The following GRID2 variants were observed in gnomAD, a reference collection of about 807,000 sequenced individuals.
The protein encoded by GRID2 is glutamate receptor ionotropic, delta-2.
Under a neutral mutation model 114.8 loss-of-function variants are expected in GRID2, and 33 were observed. The observed-to-expected ratio is 0.29, with a 90% CI of 0.22 to 0.38. The LOEUF is 0.38. GRID2 is among the 10% of genes least tolerant of loss of function. The pLI, the probability that GRID2 is intolerant of heterozygous loss-of-function variation, is 1.00. For missense variants in GRID2, 1,184 were observed against 1,257.7 expected (o/e 0.94, Z 0.89); for synonymous variants, 505 against 449.9 (o/e 1.12, Z -1.55).
intron 8 of GRID2, among the ~76,000 whole-genome samples, chr4:93,271,290 C>G (rs1042037200): frequency 6.6e-6 from 1 of 152,040 alleles, no homozygotes; most frequent in Non-Finnish European, 1.5e-5. Context: ...TGAGAACATC[C>G]ATAAAAATGT....
At chr4:93,133,449 T>C (rs539530374) in intron 4 of GRID2, among the ~76,000 whole-genome samples, 141 of 152,342 alleles carry the variant, frequency 9.3e-4, no homozygotes, top group Admixed American at 2.3e-3. Flanking sequence ...AACTCATTAC[T>C]ATCTTACTTT....
chr4:92,500,978 T>C (rs987890721), intron 1 of GRID2, among the ~76,000 whole-genome samples: 1 of 152,120 alleles, frequency 6.6e-6, no homozygotes, highest in African/African-American at 2.4e-5. Context: ...ACAGCTCTGG[T>C]TCTCATTCTT....
intron 4 of GRID2, among the ~76,000 whole-genome samples, chr4:93,192,409 A>G (rs1579246914): frequency 6.6e-6 from 1 of 152,286 alleles, no homozygotes; most frequent in Middle Eastern, 3.4e-3. Context: ...AAGATACAAG[A>G]TTTTATTCCT....
chr4:92,871,463 A>G (rs1745274306), intron 2 of GRID2, among the ~76,000 whole-genome samples: 1 of 152,176 alleles, frequency 6.6e-6, no homozygotes, highest in Non-Finnish European at 1.5e-5. Context: ...TATTAAATAC[A>G]GTTGAGTTAA....
intron 1 of GRID2, among the ~76,000 whole-genome samples, chr4:92,349,955 T>C (rs559863326): frequency 6.6e-6 from 1 of 152,080 alleles, no homozygotes; most frequent in East Asian, 1.9e-4. Context: ...AATTTCTCTC[T>C]GAAAAAGTAG....
At chr4:93,216,984 G>T in intron 6 of GRID2, 73 bp downstream of exon 6, 1 of 982,324 alleles carries the variant, frequency 1.0e-6, no homozygotes. Flanking sequence ...TTTATGAGTT[G>T]CATTGGATTC....
chr4:93,381,068 T>C (rs1005802404), intron 8 of GRID2, among the ~76,000 whole-genome samples: 1 of 152,058 alleles, frequency 6.6e-6, no homozygotes, highest in Non-Finnish European at 1.5e-5. Flanking sequence ...TTTATTGTGG[T>C]AAAATACACA....
chr4:92,939,698 G>A (rs1465786852), intron 2 of GRID2, among the ~76,000 whole-genome samples: 1 of 147,194 alleles, frequency 6.8e-6, no homozygotes, highest in East Asian at 2.1e-4. Context: ...TATGGTTTTA[G>A]GTCTAACATT....
At chr4:93,231,976 G>C (rs193294963) in intron 7 of GRID2, among the ~76,000 whole-genome samples, 2 of 152,118 alleles carry the variant, frequency 1.3e-5, no homozygotes, top group Admixed American at 1.3e-4. Flanking sequence ...GCAGGCTTAG[G>C]ATATATAAAG....
chr4:93,314,921 T>C (rs1756424688), intron 8 of GRID2, among the ~76,000 whole-genome samples: 1 of 152,114 alleles, frequency 6.6e-6, no homozygotes, highest in Admixed American at 6.6e-5. Flanking sequence ...TATAGGAGTG[T>C]TATTAACAAT....
At chr4:92,693,457 A>G (rs976218089) in intron 2 of GRID2, among the ~76,000 whole-genome samples, 7 of 152,370 alleles carry the variant, frequency 4.6e-5, no homozygotes, top group African/African-American at 1.7e-4. Flanking sequence ...AATGGTTTAC[A>G]TACTAAAAAT....
At chr4:93,637,341 T>G (rs1042194485) in intron 14 of GRID2, among the ~76,000 whole-genome samples, 2 of 152,146 alleles carry the variant, frequency 1.3e-5, no homozygotes, top group African/African-American at 4.8e-5. Context: ...AAGAGGAAAC[T>G]AAATCACAGA....
intron 2 of GRID2, among the ~76,000 whole-genome samples, chr4:92,621,397 A>T (rs1334253805): frequency 6.6e-6 from 1 of 151,778 alleles, no homozygotes; most frequent in East Asian, 1.9e-4. Flanking sequence ...TGGGAAAAAA[A>T]GTTTAAAATT....
At chr4:92,410,835 A>ATTTTTTTTTT (rs5860274) in intron 1 of GRID2, among the ~76,000 whole-genome samples, 1 of 117,866 alleles carries the variant, frequency 8.5e-6, no homozygotes, top group Non-Finnish European at 1.7e-5. Context: ...CTGCAAAAGC[A>ATTTTTTTTTT]TTTTTTTTTT....
chr4:93,380,895 GGC>G (rs1327458143), intron 8 of GRID2, among the ~76,000 whole-genome samples: 2 of 151,998 alleles, frequency 1.3e-5, no homozygotes, highest in African/African-American at 4.8e-5. Context: ...TGTTCTACAT[GGC>G]GCTCACTGGG....
intron 1 of GRID2, among the ~76,000 whole-genome samples, chr4:92,478,186 A>G (rs958235407): frequency 6.6e-6 from 1 of 151,946 alleles, no homozygotes; most frequent in Non-Finnish European, 1.5e-5. Flanking sequence ...TTTTTCCTCT[A>G]GTGCTCTCCC....
At chr4:93,027,233 A>G (rs995615833) in intron 2 of GRID2, among the ~76,000 whole-genome samples, 6 of 152,028 alleles carry the variant, frequency 3.9e-5, no homozygotes, top group African/African-American at 1.4e-4. Context: ...AGTAGTTAGA[A>G]CAGTCAAATT....
At chr4:92,771,007 T>C (rs932099011) in intron 2 of GRID2, among the ~76,000 whole-genome samples, 1 of 149,258 alleles carries the variant, frequency 6.7e-6, no homozygotes, top group Non-Finnish European at 1.5e-5. Flanking sequence ...AACTGAAATA[T>C]ATTTATAAAA....
intron 10 of GRID2, among the ~76,000 whole-genome samples, chr4:93,429,326 G>C (rs1192614668): frequency 6.6e-6 from 1 of 152,166 alleles, no homozygotes; most frequent in African/African-American, 2.4e-5. Context: ...AACAGGTAAT[G>C]ATCAGTACTG....
Sources: gnomAD v4.1 joint callset for allele counts (sites outside exome capture counted in the v4.1 genomes callset) on GRCh38, gnomAD v4.1.1 for gene constraint, MANE v1.5 for transcripts, NCBI Gene and HGNC (gene_info 2026-07-23, HGNC 2026-07-21) for gene names.